The following ATP11A variants were observed in gnomAD, a reference collection of about 807,000 sequenced individuals.
ATP11A encodes ATPase phospholipid transporting 11A, also known as phospholipid-transporting ATPase IH.
In ATP11A, 81 loss-of-function variants were observed where a neutral mutation model predicts 154.4. The ratio of observed to expected loss-of-function variants is 0.52; its 90% CI spans 0.44 to 0.63. ATP11A has a LOEUF of 0.63. ATP11A is among the 30% of genes least tolerant of loss of function. The pLI is 0.00. For missense variants in ATP11A, 1,316 were observed against 1,474.3 expected, an observed-to-expected ratio of 0.89 and a Z score of 1.76; for synonymous variants, 623 against 585.9, an observed-to-expected ratio of 1.06 and a Z score of -0.91.
chr13:112,839,473 G>A (rs891126270), intron 16 of ATP11A, among the ~76,000 whole-genome samples: 3 of 152,072 alleles, frequency 2.0e-5, no homozygotes, highest in African/African-American at 2.4e-5. Flanking sequence ...CACAGTGAAA[G>A]ACCCCCCACC....
chr13:112,864,150 G>T (rs1419858045), intron 25 of ATP11A, among the ~76,000 whole-genome samples: 1 of 101,094 alleles, frequency 9.9e-6, no homozygotes, highest in African/African-American at 3.7e-5. Context: ...TCCCAGCGGG[G>T]TCCATCACCA....
chr13:112,762,656 C>G (rs1441629433), intron 1 of ATP11A, among the ~76,000 whole-genome samples: 1 of 152,234 alleles, frequency 6.6e-6, no homozygotes, highest in African/African-American at 2.4e-5. Context: ...CCTTAACTCC[C>G]ATGTCCCTGT....
chr13:112,776,037 C>G (rs575304983), intron 1 of ATP11A, among the ~76,000 whole-genome samples: 1 of 152,170 alleles, frequency 6.6e-6, no homozygotes, highest in Non-Finnish European at 1.5e-5. Context: ...CTCCCTGGCC[C>G]GGCTGGAGTC....
chr13:112,699,494 C>T (rs1886256769), intron 1 of ATP11A, among the ~76,000 whole-genome samples: 1 of 152,212 alleles, frequency 6.6e-6, no homozygotes, highest in Non-Finnish European at 1.5e-5. Flanking sequence ...GCTGTGGCTG[C>T]AGAGTTGAAG....
chr13:112,691,234 GC>G (rs1885130813), intron 1 of ATP11A, among the ~76,000 whole-genome samples: 1 of 152,116 alleles, frequency 6.6e-6, no homozygotes, highest in Non-Finnish European at 1.5e-5. Flanking sequence ...GGAGGCCGAG[GC>G]GGGCGGATCA....
intron 6 of ATP11A, among the ~76,000 whole-genome samples, chr13:112,817,936 T>C (rs1332087027): frequency 6.6e-6 from 1 of 152,248 alleles, no homozygotes; most frequent in Non-Finnish European, 1.5e-5. Flanking sequence ...CTCACGTGAC[T>C]GCACAGGCCT....
At chr13:112,823,303 GC>G (rs777729193) in intron 8 of ATP11A, 41 bp from the exon 9 acceptor site, 26 of 1,555,832 alleles carry the variant, frequency 1.7e-5, no homozygotes, top group Non-Finnish European at 2.3e-5. Flanking sequence ...CTGCCCACTT[GC>G]CTTCGTGTCC....
chr13:112,836,406 T>G (rs2079236132), intron 16 of ATP11A, among the ~76,000 whole-genome samples, 155 bp downstream of exon 16: 1 of 152,208 alleles, frequency 6.6e-6, no homozygotes, highest in Non-Finnish European at 1.5e-5. Context: ...AAATACTAAT[T>G]TTTTATTTTT....
chr13:112,879,189 C>T (rs1264689995), intron 29 of ATP11A, among the ~76,000 whole-genome samples: 1 of 152,252 alleles, frequency 6.6e-6, no homozygotes, highest in Non-Finnish European at 1.5e-5. Context: ...CTTGGTATTA[C>T]TGTTTTACCA....
intron 29 of ATP11A, chr13:112,881,211 C>T (rs1043533686): frequency 8.1e-6 from 8 of 989,564 alleles, no homozygotes; most frequent in East Asian, 1.1e-4. Context: ...TGCGTGCTGC[C>T]GGCCTCCTGC....
intron 1 of ATP11A, among the ~76,000 whole-genome samples, chr13:112,772,988 A>T (rs2077261299): frequency 6.6e-6 from 1 of 152,176 alleles, no homozygotes; most frequent in African/African-American, 2.4e-5. Context: ...CTGCCATGAA[A>T]GCCCAAGAAC....
At chr13:112,860,244 A>G (rs781731878) in intron 23 of ATP11A, 43 bp from the exon 24 acceptor site, 1 of 1,587,206 alleles carries the variant, frequency 6.3e-7, no homozygotes, top group Admixed American at 1.8e-5. Context: ...AAAGTTTGTA[A>G]CAATGCACTG....
chr13:112,730,647 C>T (rs548688525), intron 1 of ATP11A, among the ~76,000 whole-genome samples: 26 of 152,336 alleles, frequency 1.7e-4, no homozygotes, highest in African/African-American at 6.0e-4. Context: ...GGTGAAATTG[C>T]GCCCTTCTGG....
In ATP11A at chr13:112,708,263, A is replaced by G. The variant is rs138355094; in HGVS notation, c.39+17808A>G. On this transcript the variant is annotated intron_variant, in intron 1 of 29. Transcript: ENST00000375645. The stretch of plus-strand genomic sequence containing the variant: ...TTATGCTACAGGAATAAACAAACTT[A>G]TTTCTCGTTGGCAAAAATGTGTTGA... 7.9e-5 allele frequency among the ~76,000 whole-genome samples: 12 copies of G among 152,272 alleles called. No homozygotes were observed. The East Asian group carries it at 2.3e-3, about 29-fold the overall frequency.
intron 17 of ATP11A, among the ~76,000 whole-genome samples, chr13:112,844,514 GACC>G (rs1385027320): frequency 6.6e-6 from 1 of 152,152 alleles, no homozygotes; most frequent in Non-Finnish European, 1.5e-5. Flanking sequence ...ACTCGCTGGA[GACC>G]ACCGCTCCAC....
rs1336590976 is a variant in ATP11A at position 112,884,349 on chromosome 13, C to A, written c.*2483C>A. 6.6e-6 allele frequency: 1 copy of A among 152,612 alleles called. No homozygotes were observed. The highest frequency in any genetic ancestry group is 1.9e-4 in the East Asian group (1 of 5,204). The allele number at this position is 152,612 out of a possible 1,614,324, so 9.5% of individuals were successfully genotyped here. A position where few individuals can be genotyped will look rare whatever the true frequency, so the allele number is the denominator to read the frequency against. On this transcript the variant is annotated 3_prime_UTR_variant, in exon 30 of 30. Coordinates refer to ENST00000375645, the MANE Select transcript of ATP11A (RefSeq NM_015205.3). ...CACGTGAAGGTTTAGTAAGTTGGGT[C>A]CCAGCTCTGCCTGTGTGGAGATAGT...
chr13:112,743,494 C>T (rs1891767380), intron 1 of ATP11A, among the ~76,000 whole-genome samples: 1 of 151,148 alleles, frequency 6.6e-6, no homozygotes, highest in South Asian at 2.1e-4. Flanking sequence ...TTGTAGGTTC[C>T]TGCTAGCGTT....
At chr13:112,803,833 CT>C (rs1403765456) in intron 2 of ATP11A, among the ~76,000 whole-genome samples, 1 of 95,746 alleles carries the variant, frequency 1.0e-5, no homozygotes, top group Non-Finnish European at 2.1e-5. Flanking sequence ...CCTTCCCCTC[CT>C]CCTCCTTCCT....
At chr13:112,727,837 G>A (rs1890040315) in intron 1 of ATP11A, among the ~76,000 whole-genome samples, 1 of 152,254 alleles carries the variant, frequency 6.6e-6, no homozygotes, top group African/African-American at 2.4e-5. Flanking sequence ...CTCCGGCGCT[G>A]GGCGAGGAAC....
Sources: gnomAD v4.1 joint callset for allele counts (sites outside exome capture counted in the v4.1 genomes callset) on GRCh38, gnomAD v4.1.1 for gene constraint, MANE v1.5 for transcripts, NCBI Gene and HGNC (gene_info 2026-07-23, HGNC 2026-07-21) for gene names.